Variants in ARVCF observed in about 807,000 individuals in gnomAD.
ARVCF encodes ARVCF delta catenin family member.
In ARVCF, 66 loss-of-function variants were observed where a neutral mutation model predicts 90.9. That is an observed-to-expected ratio of 0.73 (90% CI 0.60 to 0.89). ARVCF has a LOEUF of 0.89. Ranked by LOEUF, ARVCF falls within the 40% of genes least tolerant of loss-of-function variation. The pLI, the probability that ARVCF is intolerant of heterozygous loss-of-function variation, is 0.00. For synonymous variants in ARVCF, 653 were observed against 603.4 expected, an observed-to-expected ratio of 1.08 and a Z score of -1.21; for missense variants, 1,469 against 1,382.3, an observed-to-expected ratio of 1.06 and a Z score of -1.00.
rs1204374751 is a variant in ARVCF, at chr22:19,981,208, C to T, written c.896+3G>A. ...TAGCCACAGGGGACGGGGTGCAGCTCACCTGGTATGAAGGCCCCGCCCACA... is the reference window on the plus strand; with the variant it reads ...TAGCCACAGGGGACGGGGTGCAGCTTACCTGGTATGAAGGCCCCGCCCACA... On this transcript the variant is annotated splice_donor_region_variant and intron_variant, in intron 5 of 19. Transcript: ENST00000263207. 2.0e-6 allele frequency: 3 copies of T among 1,530,782 alleles called. No individual in the cohort carries two copies. In the Admixed American group the frequency reaches 6.1e-5, roughly 31 times the overall value. The allele number at this position is 1,530,782 out of a possible 1,614,324, so 94.8% of individuals were successfully genotyped here. A position where few individuals can be genotyped will look rare whatever the true frequency, so the allele number is the denominator to read the frequency against.
At chr22:19,980,593 C>T (rs573217532) in intron 5 of ARVCF, 23 of 264,772 alleles carry the variant, frequency 8.7e-5, no homozygotes, top group African/African-American at 5.1e-4. Context: ...TCTCACCTCC[C>T]TTCCACAAAA....
In ARVCF at chr22:19,987,474, T is replaced by C. The variant is rs372714586; in HGVS notation, c.210+3111A>G. 1.4e-4 allele frequency among the ~76,000 whole-genome samples: 21 copies of C among 151,730 alleles called. No homozygotes were observed. In the East Asian group the frequency reaches 2.7e-3, roughly 20 times the overall value. On this transcript the variant is annotated intron_variant, in intron 3 of 19. Transcript: ENST00000263207. ...GTGTCACTTTCCCGCCGAAAGACTT[T>C]GGCCAAGTCCTTCCCAGGCCTCGGT...
intron 2 of ARVCF, among the ~76,000 whole-genome samples, chr22:19,997,340 G>A (rs938648108): frequency 9.2e-5 from 14 of 152,222 alleles, no homozygotes; most frequent in African/African-American, 3.4e-4. Context: ...TGAGCCACAG[G>A]GAGCCACTGC....
rs553923136 is a variant in ARVCF, at chr22:19,979,636, C to A, written c.1396+107G>T. On this transcript the variant is annotated intron_variant, in intron 6 of 19. Transcript: ENST00000263207. ...TCTCAGCAGCTGCACTCCTGCCTAC[C>A]GGGTGCTTTCCCAGGCGGTCGCAGG... 4.8e-5 allele frequency: 69 copies of A among 1,441,406 alleles called. No individual in the cohort carries two copies. In the East Asian group the frequency reaches 9.3e-4, roughly 19 times the overall value. The allele number at this position is 1,441,406 out of a possible 1,614,324, so 89.3% of individuals were successfully genotyped here.
intron 3 of ARVCF, among the ~76,000 whole-genome samples, chr22:19,985,465 G>T (rs1943716800): frequency 6.6e-6 from 1 of 152,260 alleles, no homozygotes; most frequent in African/African-American, 2.4e-5. Flanking sequence ...ACAGGGCTGA[G>T]CCCAGCATAG....
chr22:19,973,246 G>A lies in ARVCF; in HGVS notation c.2311C>T (p.Leu771=). 6.2e-7 allele frequency: 1 copy of A among 1,610,660 alleles called. No homozygotes were observed. Among genetic ancestry groups the A allele is most frequent in the Non-Finnish European group, 8.5e-7 (1 of 1,179,240 alleles). ...ACCGCCACCACGGTGTCTTCCTCCA[G>A]GCAGGCCCCCGGTCGCGGCGGAGCC... The part of the protein sequence containing the change: ...AQAPPRPGAC[L]EEDTVVAVLN... Residue 771 remains leucine (L), a synonymous_variant, in exon 14 of 20, where the codon CTG becomes TTG. Transcript: ENST00000263207.
rs368308258 is a variant in ARVCF, at chr22:19,979,794, C to T, written c.1345G>A (p.Val449Met). The change falls in exon 6 of 20, where the codon GTG becomes ATG. Residue 449 changes from valine to methionine, a missense_variant. Physicochemically the swap from Val to Met is conservative, Grantham distance 21. Transcript: ENST00000263207. ...TCCCGGGCAGCCCTCAGCAGGCGCA[C>T]CAGGGCAGGCACACCACCGCAGTCC... is the stretch of plus-strand genomic sequence containing the variant. ...IRDCGGVPAL[V>M]RLLRAARDNE... 36 of 1,608,764 alleles carry T rather than the reference C, an allele frequency of 2.2e-5. No homozygotes were observed. Among genetic ancestry groups the T allele is most frequent in the African/African-American group, 5.3e-5 (4 of 74,838 alleles).
chr22:20,013,428 G>A (rs1056406356), intron 1 of ARVCF, among the ~76,000 whole-genome samples: 2 of 152,222 alleles, frequency 1.3e-5, no homozygotes, highest in Non-Finnish European at 2.9e-5. Flanking sequence ...CAAGCATGTT[G>A]GGGGTACCGA....
chr22:19,990,437 C>T, intron 3 of ARVCF, 148 bp downstream of exon 3: 1 of 1,031,822 alleles, frequency 9.7e-7, no homozygotes, highest in Non-Finnish European at 1.4e-6. Context: ...ACTTCCAGCC[C>T]AACCTGGGAT....
At chr22:19,983,657 G>A (rs1943617381) in intron 3 of ARVCF, 1 of 152,328 alleles carries the variant, frequency 6.6e-6, no homozygotes, top group Admixed American at 6.5e-5. Flanking sequence ...GGCCTGGCAG[G>A]GGGAAGAGGA....
intron 15 of ARVCF, 21 bp downstream of exon 15, chr22:19,972,904 G>A (rs1304839404): frequency 6.8e-6 from 11 of 1,613,726 alleles, no homozygotes; most frequent in Middle Eastern, 3.3e-4. Context: ...GGGAATGGAA[G>A]GAAGGCCAGG....
intron 2 of ARVCF, among the ~76,000 whole-genome samples, chr22:19,999,021 G>A (rs1422042181): frequency 6.6e-6 from 1 of 152,194 alleles, no homozygotes; most frequent in East Asian, 1.9e-4. Context: ...CAGGGCTGGG[G>A]AAATGGAACC....
intron 11 of ARVCF, among the ~76,000 whole-genome samples, chr22:19,975,427 C>T (rs1185218473): frequency 2.0e-5 from 3 of 152,190 alleles, no homozygotes; most frequent in South Asian, 2.1e-4. Context: ...ACCGTGAGGC[C>T]GAGCAAGCCC....
rs165840 is a variant in ARVCF at position 19,970,264 on chromosome 22, C to T, written c.*492G>A. The T allele has an allele frequency of 0.9, 891,888 of 993,444 alleles. 401,545 individuals are homozygous for T. Among genetic ancestry groups the T allele is most frequent in the Middle Eastern group, 0.91 (1,756 of 1,932 alleles). 61.5% of individuals were successfully genotyped at this position (993,444 alleles called of 1,614,324 possible). On this transcript the variant is annotated 3_prime_UTR_variant, in exon 20 of 20. Coordinates refer to ENST00000263207, the MANE Select transcript of ARVCF (RefSeq NM_001670.3). ...GGGCCTTGTGGGGCACCCCCCACACCGTGGTCTGCCTGCCTGCAGGGTGCC... is the reference window on the plus strand; with the variant it reads ...GGGCCTTGTGGGGCACCCCCCACACTGTGGTCTGCCTGCCTGCAGGGTGCC...
At chr22:19,985,855 G>C (rs1283224719) in intron 3 of ARVCF, among the ~76,000 whole-genome samples, 1 of 152,244 alleles carries the variant, frequency 6.6e-6, no homozygotes, top group Non-Finnish European at 1.5e-5. Flanking sequence ...GGCTCCCAGA[G>C]GGCAGGAGGT....
At chr22:19,979,653 G>T in intron 6 of ARVCF, 90 bp downstream of exon 6, 1 of 1,461,620 alleles carries the variant, frequency 6.8e-7, no homozygotes. Context: ...TTTCCCAGGC[G>T]GTCGCAGGCC....
intron 7 of ARVCF, 111 bp downstream of exon 7, chr22:19,978,786 A>AGCTCCTAAGCTCTGGC: frequency 7.7e-7 from 1 of 1,298,750 alleles, no homozygotes; most frequent in South Asian, 1.5e-5. Flanking sequence ...ACAGCTCTGA[A>AGCTCCTAAGCTCTGGC]GCTCCTAAGC....
chr22:20,013,173 C>T (rs562470098), intron 1 of ARVCF, among the ~76,000 whole-genome samples: 1 of 152,388 alleles, frequency 6.6e-6, no homozygotes, highest in South Asian at 2.1e-4. Context: ...CTGTCCACTA[C>T]AGCAAAACCG....
intron 3 of ARVCF, among the ~76,000 whole-genome samples, chr22:19,989,586 G>A (rs1157256347): frequency 6.6e-6 from 1 of 152,188 alleles, no homozygotes; most frequent in Non-Finnish European, 1.5e-5. Context: ...CCTGGCATGT[G>A]TGTGCCAGGC....
Sources: allele counts gnomAD v4.1 joint callset (sites outside exome capture counted in the v4.1 genomes callset), GRCh38; gene constraint gnomAD v4.1.1; transcripts MANE v1.5; gene names NCBI Gene and HGNC (gene_info 2026-07-23, HGNC 2026-07-21).